Variants in GIGYF2 observed in about 807,000 individuals in gnomAD.
GIGYF2 encodes the protein GRB10-interacting GYF protein 2.
GIGYF2 carries 25 observed loss-of-function variants against 208.1 expected under a neutral mutation model. That is an observed-to-expected ratio of 0.12 (90% CI 0.09 to 0.17). The LOEUF (loss-of-function observed/expected upper bound fraction) is 0.17. Ranked by LOEUF, GIGYF2 falls within the 10% of genes least tolerant of loss-of-function variation. The probability of loss-of-function intolerance (pLI) is 1.00; values close to 1 mark genes in which losing one functional copy is unlikely to be tolerated. For missense variants in GIGYF2, 1,302 were observed against 1,579.4 expected (o/e 0.82, Z 2.98); for synonymous variants, 534 against 543.8 (o/e 0.98, Z 0.25).
chr2:232,785,686 A>G (rs1699887144), intron 8 of GIGYF2, among the ~76,000 whole-genome samples: 2 of 152,232 alleles, frequency 1.3e-5, no homozygotes, highest in African/African-American at 4.8e-5. Context: ...AAAGCAGCAG[A>G]TCATGTCTTC....
intron 21 of GIGYF2, among the ~76,000 whole-genome samples, chr2:232,829,299 T>C (rs1701344759): frequency 1.3e-5 from 2 of 152,210 alleles, no homozygotes; most frequent in East Asian, 1.9e-4. Flanking sequence ...TCTATTAAAT[T>C]GACGTTAAGG....
intron 2 of GIGYF2, among the ~76,000 whole-genome samples, chr2:232,709,539 G>A (rs1397261355): frequency 1.3e-5 from 2 of 152,090 alleles, no homozygotes; most frequent in Non-Finnish European, 2.9e-5. Context: ...GGCCGGGCGC[G>A]GTGGCTCTTG....
chr2:232,800,721 A>G (rs1700371473), intron 14 of GIGYF2, among the ~76,000 whole-genome samples: 1 of 151,832 alleles, frequency 6.6e-6, no homozygotes, highest in South Asian at 2.1e-4. Flanking sequence ...ACAAGCACAC[A>G]CCACCATACT....
intron 3 of GIGYF2, among the ~76,000 whole-genome samples, chr2:232,744,380 T>C (rs1698071549): frequency 6.6e-6 from 1 of 152,166 alleles, no homozygotes; most frequent in African/African-American, 2.4e-5. Flanking sequence ...AGATGTGTAC[T>C]CCAGTGGTAG....
chr2:232,709,600 A>G (rs1696287684), intron 2 of GIGYF2, among the ~76,000 whole-genome samples: 1 of 152,010 alleles, frequency 6.6e-6, no homozygotes, highest in South Asian at 2.1e-4. Context: ...CACGAGGTCA[A>G]GAGTTCAAGA....
chr2:232,726,654 G>T (rs1195133704), intron 2 of GIGYF2, among the ~76,000 whole-genome samples: 1 of 152,142 alleles, frequency 6.6e-6, no homozygotes, highest in Non-Finnish European at 1.5e-5. Flanking sequence ...AGCTTTTGAG[G>T]ATTTGAGATT....
intron 6 of GIGYF2, among the ~76,000 whole-genome samples, chr2:232,758,087 T>G (rs1574843572): frequency 2.0e-5 from 3 of 152,232 alleles, no homozygotes. Context: ...CTTAATGATC[T>G]CAGTAGCTCA....
intron 8 of GIGYF2, among the ~76,000 whole-genome samples, chr2:232,772,918 G>A (rs923969503): frequency 6.6e-6 from 1 of 152,030 alleles, no homozygotes; most frequent in Non-Finnish European, 1.5e-5. Context: ...TGTGTTGTTG[G>A]AATTGGATAT....
chr2:232,815,888 T>C, intron 19 of GIGYF2, 151 bp downstream of exon 19: 1 of 631,476 alleles, frequency 1.6e-6, no homozygotes, highest in Non-Finnish European at 2.8e-6. Context: ...GTATCTTTAC[T>C]GTGCTCTCTT....
chr2:232,808,004 C>T (rs1480051589), intron 15 of GIGYF2, among the ~76,000 whole-genome samples: 4 of 152,348 alleles, frequency 2.6e-5, no homozygotes, highest in African/African-American at 9.6e-5. Flanking sequence ...GACCTAGCCT[C>T]TGTAGTCAAG....
intron 22 of GIGYF2, among the ~76,000 whole-genome samples, chr2:232,834,882 T>C (rs1014534037): frequency 1.3e-5 from 2 of 152,170 alleles, no homozygotes; most frequent in Non-Finnish European, 2.9e-5. Flanking sequence ...CATGCAAGTG[T>C]AGTTTTCTTA....
Position 232,814,270 on chromosome 2 carries a change from A to G in GIGYF2, c.2108-1367A>G, listed in dbSNP as rs1261777957. Among the ~76,000 whole-genome samples the G allele has an allele frequency of 3.3e-5, 5 of 151,838 alleles. No homozygotes were observed. The East Asian group carries it at 9.7e-4, about 29-fold the overall frequency. On this transcript the variant is annotated intron_variant, in intron 18 of 28. Coordinates refer to ENST00000373563, the MANE Select transcript of GIGYF2 (RefSeq NM_001103146.3). ...TTATTTAAAAATGTTGCATTAAACTACCTTCAGGCTGGCTGGGTGTGGTGG... is the reference window on the plus strand; with the variant it reads ...TTATTTAAAAATGTTGCATTAAACTGCCTTCAGGCTGGCTGGGTGTGGTGG...
chr2:232,786,126 T>C (rs2106359210), intron 8 of GIGYF2, among the ~76,000 whole-genome samples: 1 of 152,366 alleles, frequency 6.6e-6, no homozygotes, highest in Admixed American at 6.5e-5. Context: ...TTGACATTAA[T>C]GTAACTTTTG....
At chr2:232,750,027 A>G (rs1234593124) in intron 5 of GIGYF2, among the ~76,000 whole-genome samples, 1 of 152,022 alleles carries the variant, frequency 6.6e-6, no homozygotes, top group African/African-American at 2.4e-5. Context: ...TCTACTAAAA[A>G]TAAAAAAATT....
At chr2:232,721,313 GT>G (rs964741910) in intron 2 of GIGYF2, among the ~76,000 whole-genome samples, 1 of 152,208 alleles carries the variant, frequency 6.6e-6, no homozygotes, top group Non-Finnish European at 1.5e-5. Context: ...CAAATCTCTT[GT>G]TTAATTCCTA....
intron 3 of GIGYF2, among the ~76,000 whole-genome samples, chr2:232,747,091 T>G (rs1229742021): frequency 2.0e-5 from 3 of 152,240 alleles, no homozygotes; most frequent in African/African-American, 7.2e-5. Context: ...TAGCATACTT[T>G]ATTAAATATT....
At chr2:232,827,208 G>GTTTTTTTTTTTTTTTTTT (rs1166323037) in intron 21 of GIGYF2, among the ~76,000 whole-genome samples, 6 of 151,932 alleles carry the variant, frequency 3.9e-5, no homozygotes, top group Non-Finnish European at 8.8e-5. Flanking sequence ...TATAGACATT[G>GTTTTTTTTTTTTTTTTTT]TTTTTTAAGA....
intron 8 of GIGYF2, among the ~76,000 whole-genome samples, chr2:232,761,899 T>A (rs1359099189): frequency 6.6e-6 from 1 of 150,470 alleles, no homozygotes; most frequent in Non-Finnish European, 1.5e-5. Context: ...ATAACTCAGA[T>A]AAATTGCAGT....
Position 232,844,419 on chromosome 2 carries a change from T to C in GIGYF2, c.3150T>C (p.Asn1050=), listed in dbSNP as rs149916619. 1.1e-4 allele frequency: 179 copies of C among 1,613,454 alleles called. No homozygotes were observed. Among genetic ancestry groups the C allele is most frequent in the Non-Finnish European group, 1.3e-4 (156 of 1,179,440 alleles). Residue 1050 remains asparagine, a synonymous_variant, in exon 25 of 29, where the codon AAT becomes AAC. Coordinates refer to ENST00000373563, the MANE Select transcript of GIGYF2 (RefSeq NM_001103146.3). The stretch of plus-strand genomic sequence containing the variant: ...GGAATTCTGTTTGGGGCTCTATAAA[T>C]ACTGGTCCTCCTAACCAGTGGGCAT... The part of the protein sequence containing the change: ...SIGNSVWGSI[N]TGPPNQWASD...
Sources: allele counts gnomAD v4.1 joint callset (sites outside exome capture counted in the v4.1 genomes callset), GRCh38; gene constraint gnomAD v4.1.1; transcripts MANE v1.5; gene names NCBI Gene and HGNC (gene_info 2026-07-23, HGNC 2026-07-21).